Variants in DMRTA2 observed in about 807,000 individuals in gnomAD.
DMRTA2 encodes DMRT like family A2, also known as doublesex- and mab-3-related transcription factor A2.
A neutral mutation model predicts 29.7 loss-of-function variants in DMRTA2; 10 were observed. The ratio of observed to expected loss-of-function variants is 0.34; its 90% CI spans 0.21 to 0.57. The LOEUF is 0.57. Among genes scored for constraint, DMRTA2 ranks in the 20% least tolerant of loss-of-function variants. The pLI is 0.87. For synonymous variants in DMRTA2, 469 were observed against 402.6 expected, an observed-to-expected ratio of 1.16 and a Z score of -1.97; for missense variants, 783 against 812.1, an observed-to-expected ratio of 0.96 and a Z score of 0.44.
chr1:50,419,415 G>A lies in DMRTA2; in HGVS notation c.879C>T (p.Asp293=), dbSNP rs755002825. ...CCGGCGCGGCCTCACCCTCTTCTTT[G>A]TCAGCCTCTGAACCGGATTCAGAGC... is the stretch of plus-strand genomic sequence containing the variant. ...PLGSESGSEA[D]KEEGEAAPAP... Residue 293 remains aspartate (D), a synonymous_variant, in exon 3 of 3, where the codon GAC becomes GAT. Coordinates refer to ENST00000404795, the MANE Select transcript of DMRTA2 (RefSeq NM_032110.3). The surrounding 1 kb of genome is among the most constrained non-coding windows in gnomAD (Gnocchi z 6.1). The A allele has an allele frequency of 1.3e-5, 20 of 1,597,744 alleles. No homozygotes were observed. In the South Asian group the frequency reaches 1.8e-4, roughly 14 times the overall value.
Position 50,420,693 on chromosome 1 carries a change from CA to C in DMRTA2, c.559+284del, listed in dbSNP as rs761865115. 1.2e-4 allele frequency among the ~76,000 whole-genome samples: 19 copies of C among 152,276 alleles called. No homozygotes were observed. In the East Asian group the frequency reaches 2.1e-3, roughly 17 times the overall value. The stretch of plus-strand genomic sequence containing the variant: ...CTGGGGAGAAGACGAAGCAAAGAAG[CA>C]GGGACCTGCCTGCGTTTGGGTAGAG... On this transcript the variant is annotated intron_variant, in intron 2 of 2. Coordinates refer to ENST00000404795, the MANE Select transcript of DMRTA2 (RefSeq NM_032110.3). This position sits in a 1 kb window ranked among gnomAD's most constrained non-coding sequence, Gnocchi z 4.1.
In DMRTA2 at chr1:50,423,442, A is replaced by G. The variant is rs901445579; in HGVS notation, c.-335T>C. ...GTTGCCCGGCGCTGCCAGACTCTCA[A>G]TGAGCCGCTCGCCCGCTCTATTGTT... On this transcript the variant is annotated 5_prime_UTR_variant, in exon 1 of 3. Coordinates refer to ENST00000404795, the MANE Select transcript of DMRTA2 (RefSeq NM_032110.3). The G allele has an allele frequency of 1.3e-5, 2 of 152,134 alleles. No homozygotes were observed. Among genetic ancestry groups the G allele is most frequent in the African/African-American group, 4.8e-5 (2 of 41,454 alleles). 9.4% of individuals were successfully genotyped at this position (152,134 alleles called of 1,614,324 possible). A position where few individuals can be genotyped will look rare whatever the true frequency, so the allele number is the denominator to read the frequency against.
Position 50,421,702 on chromosome 1 carries a change from G to T in DMRTA2, c.-8-158C>A. ...GAATTGCTGGGAGGAGGTGCAGTCG[G>T]AACCTCCTTGTGAGCCCTAGCACCT... On this transcript the variant is annotated intron_variant, in intron 1 of 2. Transcript: ENST00000404795. This position sits in a 1 kb window ranked among gnomAD's most constrained non-coding sequence, Gnocchi z 8.7. 1 of 842,444 alleles carries T rather than the reference G, an allele frequency of 1.2e-6. No homozygotes were observed. The allele number at this position is 842,444 out of a possible 1,614,324, so 52.2% of individuals were successfully genotyped here. A position where few individuals can be genotyped will look rare whatever the true frequency, so the allele number is the denominator to read the frequency against.
At position 50,419,766 on chromosome 1, in the gene DMRTA2, G is replaced by GTGT; in HGVS notation, c.560-33_560-32insACA. ...GGGGAGAAAACGTGTCGTGAGGAGC[G>GTGT]GTTAGCTAGAAGACAGCAGTCACAG... On this transcript the variant is annotated intron_variant, in intron 2 of 2. Coordinates refer to ENST00000404795, the MANE Select transcript of DMRTA2 (RefSeq NM_032110.3). The surrounding 1 kb of genome is among the most constrained non-coding windows in gnomAD (Gnocchi z 6.1). 6.9e-7 allele frequency: 1 copy of GTGT among 1,442,374 alleles called. No homozygotes were observed. The highest frequency in any genetic ancestry group is 9.1e-7 in the Non-Finnish European group (1 of 1,097,630). 89.3% of individuals were successfully genotyped at this position (1,442,374 alleles called of 1,614,324 possible).
At position 50,422,209 on chromosome 1, in the gene DMRTA2, A is replaced by T. The variant is rs1646043682; in HGVS notation, c.-8-665T>A. On this transcript the variant is annotated intron_variant, in intron 1 of 2. Transcript: ENST00000404795. The surrounding 1 kb of genome is among the most constrained non-coding windows in gnomAD (Gnocchi z 5.7). ...GAAGCAGAGTGAGGACGAGGAAACAACTTGGGCAAAGTTAGGCCCAGTGGC... is the reference window on the plus strand; with the variant it reads ...GAAGCAGAGTGAGGACGAGGAAACATCTTGGGCAAAGTTAGGCCCAGTGGC... Among the ~76,000 whole-genome samples the T allele has an allele frequency of 6.6e-6, 1 of 152,246 alleles. No individual in the cohort carries two copies. Among genetic ancestry groups the T allele is most frequent in the Admixed American group, 6.5e-5 (1 of 15,284 alleles).
Position 50,421,268 on chromosome 1 carries a change from C to A in DMRTA2, c.269G>T (p.Arg90Leu). Residue 90 changes from arginine to leucine, a missense_variant, in exon 2 of 3, where the codon CGC (arginine) becomes CTC (leucine). By Grantham distance (102) the Arg-to-Leu change is moderately radical. Coordinates refer to ENST00000404795, the MANE Select transcript of DMRTA2 (RefSeq NM_032110.3). This position sits in a 1 kb window ranked among gnomAD's most constrained non-coding sequence, Gnocchi z 8.7. ...SALKGHKRYC[R>L]WKDCLCAKCT... is the part of the protein sequence containing the mutation. ...CTTGGCGCACAGGCAGTCCTTCCAG[C>A]GACAGTAGCGTTTGTGGCCCTTGAG... The A allele has an allele frequency of 3.9e-6, 6 of 1,537,790 alleles. No homozygotes were observed. Among genetic ancestry groups the A allele is most frequent in the South Asian group, 1.2e-5 (1 of 83,238 alleles).
rs565213257 is a variant in DMRTA2 at position 50,422,900 on chromosome 1, G to T, written c.-9+216C>A. On this transcript the variant is annotated intron_variant, in intron 1 of 2. Transcript: ENST00000404795. This position sits in a 1 kb window ranked among gnomAD's most constrained non-coding sequence, Gnocchi z 5.7. ...AGGCCCAGCTCCCCGCTTCTGCCGC[G>T]GTCTCCTCTGCTTCCCGCGTTCCCC... Among the ~76,000 whole-genome samples the T allele has an allele frequency of 3.3e-5, 5 of 152,326 alleles. No individual in the cohort carries two copies. Among genetic ancestry groups the T allele is most frequent in the Admixed American group, 3.3e-4 (5 of 15,306 alleles).
At position 50,419,483 on chromosome 1, in the gene DMRTA2, C is replaced by T. The variant is rs1391444267; in HGVS notation, c.811G>A (p.Gly271Ser). 6 of 1,595,336 alleles carry T rather than the reference C, an allele frequency of 3.8e-6. No homozygotes were observed. The African/African-American group carries it at 4.1e-5, about 11-fold the overall frequency. Residue 271 changes from glycine to serine, a missense_variant, in exon 3 of 3, where the codon GGC (glycine) becomes AGC (serine). Around this residue, in one of 3 missense-constraint regions of DMRTA2, gnomAD observed 667 missense variants for 624.8 expected, o/e 1.07. Transcript: ENST00000404795. The surrounding 1 kb of genome is among the most constrained non-coding windows in gnomAD (Gnocchi z 6.1). The part of the protein sequence containing the change: ...GSCPGSAGPG[G>S]GGEEDSPGSA... ...CCCGGGCTGTCCTCCTCGCCGCCGC[C>T]GCCAGGGCCAGCGCTGCCTGGGCAG...
rs1646015459 is a variant in DMRTA2 at position 50,419,153 on chromosome 1, C to T, written c.1141G>A (p.Asp381Asn). Reference sequence around the variant, plus strand: ...GCGTCGACGCGGCTGGGCCACGCGTCGTCTGCAGCTGCTGCAGCACCCACG... The same window carrying T: ...GCGTCGACGCGGCTGGGCCACGCGTTGTCTGCAGCTGCTGCAGCACCCACG... ...AAVGAAAAAD[D>N]AWPSRVDAAA... Residue 381 changes from aspartate (D) to asparagine (N), a missense_variant, in exon 3 of 3, where the codon GAC (aspartate) becomes AAC (asparagine). This residue lies in a region of DMRTA2 where 667 missense variants were observed against 624.8 expected (regional missense o/e 1.07). Transcript: ENST00000404795. The surrounding 1 kb of genome is among the most constrained non-coding windows in gnomAD (Gnocchi z 6.1). The T allele has an allele frequency of 2.4e-6, 3 of 1,243,408 alleles. No homozygotes were observed. Among genetic ancestry groups the T allele is most frequent in the South Asian group, 3.4e-5 (1 of 29,088 alleles). 77.0% of individuals were successfully genotyped at this position (1,243,408 alleles called of 1,614,324 possible). A position where few individuals can be genotyped will look rare whatever the true frequency, so the allele number is the denominator to read the frequency against.
At position 50,422,476 on chromosome 1, in the gene DMRTA2, T is replaced by G. The variant is rs1646046042; in HGVS notation, c.-9+640A>C. On this transcript the variant is annotated intron_variant, in intron 1 of 2. Transcript: ENST00000404795. This position sits in a 1 kb window ranked among gnomAD's most constrained non-coding sequence, Gnocchi z 5.7. Reference sequence around the variant, plus strand: ...AGGGGCCGCGCCTGGGAGAGGGGAATGTGTAAGAAAAAACCCCACAGGCAA... The same window carrying G: ...AGGGGCCGCGCCTGGGAGAGGGGAAGGTGTAAGAAAAAACCCCACAGGCAA... Among the ~76,000 whole-genome samples, 1 of 151,852 alleles carries G rather than the reference T, an allele frequency of 6.6e-6. No individual in the cohort carries two copies. Among genetic ancestry groups the G allele is most frequent in the Non-Finnish European group, 1.5e-5 (1 of 67,964 alleles).
rs563215151 is a variant in DMRTA2, at chr1:50,419,031, G to C, written c.1263C>G (p.Ala421=). ...CCAGCGCCCCAGGCGCCATGGCGCC[G>C]GCCAGCAAGGGTCTGTGGTGCGGAG... ...AAPPHHRPLL[A]GAMAPGALGS... Residue 421 remains alanine, a synonymous_variant, in exon 3 of 3, where the codon GCC becomes GCG. Coordinates refer to ENST00000404795, the MANE Select transcript of DMRTA2 (RefSeq NM_032110.3). The surrounding 1 kb of genome is among the most constrained non-coding windows in gnomAD (Gnocchi z 6.1). 411 of 1,384,924 alleles carry C rather than the reference G, an allele frequency of 3.0e-4. 5 individuals are homozygous for C. In the African/African-American group the frequency reaches 6.1e-3, roughly 20 times the overall value. The allele number at this position is 1,384,924 out of a possible 1,614,324, so 85.8% of individuals were successfully genotyped here.
Position 50,419,804 on chromosome 1 carries a change from T to G in DMRTA2, c.560-70A>C. ...ACAGCAGTCACAGCACCTCGGCCCT[T>G]TGGATCTCAGTTTCCTCTCCCTCAG... On this transcript the variant is annotated intron_variant, in intron 2 of 2. Coordinates refer to ENST00000404795, the MANE Select transcript of DMRTA2 (RefSeq NM_032110.3). This position sits in a 1 kb window ranked among gnomAD's most constrained non-coding sequence, Gnocchi z 6.1. The G allele has an allele frequency of 1.5e-6, 2 of 1,317,396 alleles. No individual in the cohort carries two copies. The highest frequency in any genetic ancestry group is 2.0e-6 in the Non-Finnish European group (2 of 999,414). The allele number at this position is 1,317,396 out of a possible 1,614,324, so 81.6% of individuals were successfully genotyped here.
In DMRTA2 at chr1:50,418,413, G is replaced by C. The variant is rs1646003772; in HGVS notation, c.*252C>G. The C allele has an allele frequency of 2.8e-6, 1 of 362,984 alleles. No homozygotes were observed. The highest frequency in any genetic ancestry group is 7.0e-4 in the Middle Eastern group (1 of 1,434). 22.5% of individuals were successfully genotyped at this position (362,984 alleles called of 1,614,324 possible). A position where few individuals can be genotyped will look rare whatever the true frequency, so the allele number is the denominator to read the frequency against. ...AAGGGGGCCGGGTGAGGCTGGAAGA[G>C]GGATCCGGAGGTAGGAGATGAGGAC... On this transcript the variant is annotated 3_prime_UTR_variant, in exon 3 of 3. Coordinates refer to ENST00000404795, the MANE Select transcript of DMRTA2 (RefSeq NM_032110.3).
In DMRTA2 at chr1:50,419,784, A is replaced by T; in HGVS notation, c.560-50T>A. The T allele has an allele frequency of 7.1e-7, 1 of 1,403,786 alleles. No homozygotes were observed. The highest frequency in any genetic ancestry group is 1.5e-5 in the African/African-American group (1 of 66,024). 87.0% of individuals were successfully genotyped at this position (1,403,786 alleles called of 1,614,324 possible). A position where few individuals can be genotyped will look rare whatever the true frequency, so the allele number is the denominator to read the frequency against. On this transcript the variant is annotated intron_variant, in intron 2 of 2. Transcript: ENST00000404795. This position sits in a 1 kb window ranked among gnomAD's most constrained non-coding sequence, Gnocchi z 6.1. ...GAGGAGCGGTTAGCTAGAAGACAGC[A>T]GTCACAGCACCTCGGCCCTTTGGAT...
In DMRTA2 at chr1:50,419,951, C is replaced by T. The variant is rs1312817134; in HGVS notation, c.560-217G>A. Among the ~76,000 whole-genome samples the T allele has an allele frequency of 3.2e-5, 4 of 126,084 alleles. No individual in the cohort carries two copies. The highest frequency in any genetic ancestry group is 5.4e-5 in the Non-Finnish European group (3 of 55,632). The allele number at this position is 126,084 out of a possible 152,430, so 82.7% of individuals were successfully genotyped here. ...CCCTCTCTTTCTGTACTCCTCAGAA[C>T]CCCAACTACCTGTGCCCTGTAAACT... On this transcript the variant is annotated intron_variant, in intron 2 of 2. Coordinates refer to ENST00000404795, the MANE Select transcript of DMRTA2 (RefSeq NM_032110.3). The surrounding 1 kb of genome is among the most constrained non-coding windows in gnomAD (Gnocchi z 6.1).
In DMRTA2 at chr1:50,419,451, A is replaced by G. The variant is rs747377384; in HGVS notation, c.843T>C (p.Ala281=). The G allele has an allele frequency of 5.0e-6, 8 of 1,598,324 alleles. No individual in the cohort carries two copies. Among genetic ancestry groups the G allele is most frequent in the Middle Eastern group, 1.6e-4 (1 of 6,062 alleles). ...GGGEEDSPGS[A]SPLGSESGSE... is the part of the protein sequence containing the mutation. ...AACCGGATTCAGAGCCCAGAGGGCT[A>G]GCGGAGCCCGGGCTGTCCTCCTCGC... The change falls in exon 3 of 3, where the codon GCT becomes GCC. Residue 281 remains alanine, a synonymous_variant. Transcript: ENST00000404795. This position sits in a 1 kb window ranked among gnomAD's most constrained non-coding sequence, Gnocchi z 6.1.
In DMRTA2 at chr1:50,419,704, G is replaced by A. The variant is rs1443535925; in HGVS notation, c.590C>T (p.Pro197Leu). The A allele has an allele frequency of 6.7e-7, 1 of 1,496,952 alleles. No individual in the cohort carries two copies. The highest frequency in any genetic ancestry group is 2.4e-5 in the Admixed American group (1 of 41,172). The allele number at this position is 1,496,952 out of a possible 1,614,324, so 92.7% of individuals were successfully genotyped here. The change falls in exon 3 of 3, where the codon CCT becomes CTT. Residue 197 changes from proline (P) to leucine (L), a missense_variant. Pro to Leu is a moderately conservative substitution (Grantham distance 98, BLOSUM62 -3). Transcript: ENST00000404795. This position sits in a 1 kb window ranked among gnomAD's most constrained non-coding sequence, Gnocchi z 6.1. ...EAKLQKFDLFPKTLLQAGRPG... is the reference protein window; with the variant it reads ...EAKLQKFDLFLKTLLQAGRPG... The stretch of plus-strand genomic sequence containing the variant: ...GCGGCCTGCCTGCAGCAGCGTCTTA[G>A]GAAACAGGTCAAACTTCTGCAACTT...
Position 50,422,509 on chromosome 1 carries a change from G to A in DMRTA2, c.-9+607C>T, listed in dbSNP as rs910338912. Among the ~76,000 whole-genome samples the A allele has an allele frequency of 6.6e-6, 1 of 152,158 alleles. No individual in the cohort carries two copies. The highest frequency in any genetic ancestry group is 1.5e-5 in the Non-Finnish European group (1 of 68,022). Reference sequence around the variant, plus strand: ...AAAAAACCCCACAGGCAAATGCTGGGGGAGGGGATTGGGTAAAACCTGTGG... The same window carrying A: ...AAAAAACCCCACAGGCAAATGCTGGAGGAGGGGATTGGGTAAAACCTGTGG... On this transcript the variant is annotated intron_variant, in intron 1 of 2. Transcript: ENST00000404795. This position sits in a 1 kb window ranked among gnomAD's most constrained non-coding sequence, Gnocchi z 5.7.
At position 50,421,039 on chromosome 1, in the gene DMRTA2, C is replaced by T. The variant is rs772449187; in HGVS notation, c.498G>A (p.Gly166=). The T allele has an allele frequency of 1.7e-4, 256 of 1,511,988 alleles. No individual in the cohort carries two copies. Among genetic ancestry groups the T allele is most frequent in the Admixed American group, 4.9e-4 (24 of 48,970 alleles). 93.7% of individuals were successfully genotyped at this position (1,511,988 alleles called of 1,614,324 possible). ...CCGCGGGCGCTCCCGCTCCAGGTCC[C>T]CCGCCGTCGGCGGCGCACACTGAAC... is the stretch of plus-strand genomic sequence containing the variant. ...VFGSVCAADG[G]GPGAGAPAGT... is the part of the protein sequence containing the mutation. Residue 166 remains glycine (G), a synonymous_variant, in exon 2 of 3, where the codon GGG becomes GGA. Transcript: ENST00000404795. The surrounding 1 kb of genome is among the most constrained non-coding windows in gnomAD (Gnocchi z 8.7).
Sources: allele counts gnomAD v4.1 joint callset (sites outside exome capture counted in the v4.1 genomes callset), GRCh38; gene constraint gnomAD v4.1.1; regional missense constraint gnomAD v4.1.1; non-coding constraint Gnocchi (gnomAD v3.1); transcripts MANE v1.5; gene names NCBI Gene and HGNC (gene_info 2026-07-23, HGNC 2026-07-21).